Variants in CRTAC1 observed in about 807,000 individuals in gnomAD.
CRTAC1 encodes acidic secreted protein in cartilage.
Under a neutral mutation model 67.8 loss-of-function variants are expected in CRTAC1, and 37 were observed. That is an observed-to-expected ratio of 0.55 (90% CI 0.42 to 0.72). The LOEUF (loss-of-function observed/expected upper bound fraction) is 0.72, where lower values mean the gene tolerates loss of function less well. CRTAC1 is among the 30% of genes least tolerant of loss of function. The probability of loss-of-function intolerance (pLI) is 0.00; values close to 1 mark genes in which losing one functional copy is unlikely to be tolerated. For synonymous variants in CRTAC1, 348 were observed against 371.0 expected (o/e 0.94, Z 0.71); for missense variants, 780 against 931.6 (o/e 0.84, Z 2.12).
At chr10:97,972,098 G>A (rs2051724331) in intron 2 of CRTAC1, among the ~76,000 whole-genome samples, 1 of 152,188 alleles carries the variant, frequency 6.6e-6, no homozygotes, top group Admixed American at 6.5e-5. Flanking sequence ...TACACTGGGA[G>A]CCTAACCATA....
Position 97,895,366 on chromosome 10 carries a change from C to T in CRTAC1, c.1365G>A (p.Gly455=). ...CGACCTTAGCTCCCCTGGCAAAGGCCCCAAACCGGGTGCGTGGCACCACTC... is the reference window on the plus strand; with the variant it reads ...CGACCTTAGCTCCCCTGGCAAAGGCTCCAAACCGGGTGCGTGGCACCACTC... ...WLRVVPRTRF[G]AFARGAKVVL... is the part of the protein sequence containing the mutation. The change falls in exon 11 of 15, where the codon GGG becomes GGA. Residue 455 remains glycine, a synonymous_variant. Coordinates refer to ENST00000370597, the MANE Select transcript of CRTAC1 (RefSeq NM_018058.7). The surrounding 1 kb of genome is among the most constrained non-coding windows in gnomAD (Gnocchi z 4.2). The T allele has an allele frequency of 6.2e-7, 1 of 1,613,218 alleles. No individual in the cohort carries two copies. Among genetic ancestry groups the T allele is most frequent in the Non-Finnish European group, 8.5e-7 (1 of 1,179,736 alleles).
chr10:98,015,870 G>C lies in CRTAC1; in HGVS notation c.25-4533C>G, dbSNP rs150219159. 7.3e-4 allele frequency among the ~76,000 whole-genome samples: 111 copies of C among 152,260 alleles called. 1 individual carries two copies. Among genetic ancestry groups the C allele is most frequent in the African/African-American group, 2.6e-3 (110 of 41,542 alleles). On this transcript the variant is annotated intron_variant, in intron 1 of 14. Coordinates refer to ENST00000370597, the MANE Select transcript of CRTAC1 (RefSeq NM_018058.7). Reference sequence around the variant, plus strand: ...TCCATAAACTACACATCGAATACCAGGTTCCATACTGTAGCTCCCAGAGTC... The same window carrying C: ...TCCATAAACTACACATCGAATACCACGTTCCATACTGTAGCTCCCAGAGTC...
At chr10:97,883,754 A>G (rs1418127075) in intron 12 of CRTAC1, among the ~76,000 whole-genome samples, 2 of 152,214 alleles carry the variant, frequency 1.3e-5, no homozygotes, top group Non-Finnish European at 2.9e-5. Flanking sequence ...AGATGGGTCC[A>G]GAGCTGCTCC....
chr10:97,969,407 C>T (rs765030390), intron 2 of CRTAC1, among the ~76,000 whole-genome samples: 7 of 152,194 alleles, frequency 4.6e-5, no homozygotes, highest in Non-Finnish European at 7.3e-5. Flanking sequence ...GCCACTCCAG[C>T]CCGAGCCTTC....
chr10:97,938,093 A>G (rs2051118237), intron 2 of CRTAC1, among the ~76,000 whole-genome samples: 1 of 152,200 alleles, frequency 6.6e-6, no homozygotes, highest in Non-Finnish European at 1.5e-5. Context: ...AGGGTGTGAA[A>G]GGAGAGATGG....
chr10:97,972,643 T>C (rs754954635), intron 2 of CRTAC1, among the ~76,000 whole-genome samples: 4 of 152,204 alleles, frequency 2.6e-5, no homozygotes, highest in Non-Finnish European at 5.9e-5. Flanking sequence ...ATACTATATA[T>C]AGTAGCAAAA....
chr10:97,975,300 A>G lies in CRTAC1; in HGVS notation c.224+35838T>C, dbSNP rs2051781772. Among the ~76,000 whole-genome samples the G allele has an allele frequency of 1.3e-5, 2 of 151,980 alleles. No individual in the cohort carries two copies. Among genetic ancestry groups the G allele is most frequent in the African/African-American group, 4.8e-5 (2 of 41,362 alleles). On this transcript the variant is annotated intron_variant, in intron 2 of 14. Transcript: ENST00000370597. This position sits in a 1 kb window ranked among gnomAD's most constrained non-coding sequence, Gnocchi z 4.8. Reference sequence around the variant, plus strand: ...GCTGTCCTCAGCCCCCTCACGGAGCACGGGTGCTGCGGGAGGCGCCAGGGC... The same window carrying G: ...GCTGTCCTCAGCCCCCTCACGGAGCGCGGGTGCTGCGGGAGGCGCCAGGGC...
At chr10:97,939,669 GCTT>G (rs1318308238) in intron 2 of CRTAC1, among the ~76,000 whole-genome samples, 1 of 151,604 alleles carries the variant, frequency 6.6e-6, no homozygotes, top group Non-Finnish European at 1.5e-5. Flanking sequence ...TTCCCTCCCC[GCTT>G]CTTCTTGAGG....
At chr10:97,932,402 C>T (rs1408499383) in intron 3 of CRTAC1, among the ~76,000 whole-genome samples, 2 of 152,048 alleles carry the variant, frequency 1.3e-5, no homozygotes, top group Non-Finnish European at 2.9e-5. Context: ...ATCTGGAGTA[C>T]GGCAGTGAAA....
At chr10:98,026,556 C>T (rs1843236192) in intron 1 of CRTAC1, among the ~76,000 whole-genome samples, 1 of 152,042 alleles carries the variant, frequency 6.6e-6, no homozygotes, top group Non-Finnish European at 1.5e-5. Flanking sequence ...CTGGTGAGAT[C>T]TCAAGCATAG....
chr10:98,027,545 G>A (rs541619155), intron 1 of CRTAC1, among the ~76,000 whole-genome samples: 1 of 152,242 alleles, frequency 6.6e-6, no homozygotes, highest in South Asian at 2.1e-4. Context: ...GAGGGACTCG[G>A]CACTTCTGAC....
At chr10:98,007,970 C>A (rs1024282074) in intron 2 of CRTAC1, among the ~76,000 whole-genome samples, 1 of 152,172 alleles carries the variant, frequency 6.6e-6, no homozygotes, top group Non-Finnish European at 1.5e-5. Context: ...CAATCCCCTG[C>A]ACATCAAAGG....
chr10:97,900,445 C>T (rs1248067855), intron 8 of CRTAC1, among the ~76,000 whole-genome samples: 9 of 152,168 alleles, frequency 5.9e-5, no homozygotes, highest in East Asian at 3.9e-4. Flanking sequence ...ACTTGGACCC[C>T]GTAGCCCCTT....
intron 8 of CRTAC1, among the ~76,000 whole-genome samples, chr10:97,900,489 TCC>T: frequency 1.4e-5 from 2 of 145,664 alleles, no homozygotes; most frequent in East Asian, 4.0e-4. Context: ...TAGCCCCTTT[TCC>T]TGGTAGTGAT....
intron 11 of CRTAC1, among the ~76,000 whole-genome samples, chr10:97,887,242 T>C (rs2136545277): frequency 6.6e-6 from 1 of 151,522 alleles, no homozygotes; most frequent in Non-Finnish European, 1.5e-5. Context: ...TTTTTTTTTT[T>C]TTTCTGTTTT....
At chr10:97,902,930 G>A (rs2050561781) in intron 7 of CRTAC1, among the ~76,000 whole-genome samples, 1 of 151,982 alleles carries the variant, frequency 6.6e-6, no homozygotes, top group African/African-American at 2.4e-5. Flanking sequence ...GAGCCAGGGA[G>A]CAAAAAGACC....
intron 4 of CRTAC1, among the ~76,000 whole-genome samples, chr10:97,920,299 T>G (rs75260712): frequency 6.6e-6 from 1 of 152,282 alleles, no homozygotes; most frequent in African/African-American, 2.4e-5. Flanking sequence ...ACTTTGATTT[T>G]TCGGGGGTAT....
chr10:97,947,119 T>TGGGGCTATTGCCAA (rs2051278164), intron 2 of CRTAC1, among the ~76,000 whole-genome samples: 1 of 152,226 alleles, frequency 6.6e-6, no homozygotes, highest in African/African-American at 2.4e-5. Context: ...GACAGAATAG[T>TGGGGCTATTGCCAA]TGGGGCAAGG....
intron 2 of CRTAC1, among the ~76,000 whole-genome samples, chr10:97,974,423 C>T (rs2051765579): frequency 1.3e-5 from 2 of 152,202 alleles, no homozygotes; most frequent in Admixed American, 6.5e-5. Flanking sequence ...AGCAAGGTCA[C>T]CTGCTTACAA....
Sources: gnomAD v4.1 joint callset for allele counts (sites outside exome capture counted in the v4.1 genomes callset) on GRCh38, gnomAD v4.1.1 for gene constraint, Gnocchi (gnomAD v3.1) non-coding constraint, MANE v1.5 for transcripts, NCBI Gene and HGNC (gene_info 2026-07-23, HGNC 2026-07-21) for gene names.